SYTL4: variants seen among roughly 807,000 people sequenced by gnomAD.
SYTL4 encodes synaptotagmin-like protein 4.
In SYTL4, 16 loss-of-function variants were observed where a neutral mutation model predicts 52.7. That is an observed-to-expected ratio of 0.30 (90% CI 0.21 to 0.46). SYTL4 has a LOEUF of 0.46. Among genes scored for constraint, SYTL4 ranks in the 20% least tolerant of loss-of-function variants. The pLI is 1.00. For missense variants in SYTL4, 423 were observed against 519.9 expected, an observed-to-expected ratio of 0.81 and a Z score of 1.81; for synonymous variants, 160 against 186.6, an observed-to-expected ratio of 0.86 and a Z score of 1.16.
intron 2 of SYTL4, among the ~76,000 whole-genome samples, chrX:100,707,931 T>C (rs1427686762): frequency 9.0e-6 from 1 of 111,104 alleles, no homozygotes; most frequent in East Asian, 2.8e-4. Context: ...TAAAAATATA[T>C]TTTAGAAAAG....
chrX:100,679,344 C>G lies in SYTL4; in HGVS notation c.1627G>C (p.Ala543Pro). ...KEAKNLTAAK[A>P]GGTSDSFVKG... Reference sequence around the variant, plus strand: ...ACAAAGCTGTCTGAAGTCCCTCCTGCTTTGGCAGCCGTCAAGTTCTTGGCT... The same window carrying G: ...ACAAAGCTGTCTGAAGTCCCTCCTGGTTTGGCAGCCGTCAAGTTCTTGGCT... Residue 543 changes from alanine to proline, a missense_variant, in exon 18 of 20, where the codon GCA becomes CCA. Physicochemically the swap from Ala to Pro is conservative, Grantham distance 27 (BLOSUM62 -1). Transcript: ENST00000372989. 1.6e-5 allele frequency: 19 copies of G among 1,211,563 alleles called. No homozygotes were observed. Among genetic ancestry groups the G allele is most frequent in the Non-Finnish European group, 2.1e-5 (19 of 895,332 alleles).
intron 2 of SYTL4, among the ~76,000 whole-genome samples, chrX:100,727,038 C>T (rs1161813893): frequency 1.8e-5 from 2 of 111,131 alleles, no homozygotes; most frequent in Admixed American, 9.6e-5. Flanking sequence ...CAACCCTCTA[C>T]GATCTGCCTT....
chrX:100,699,482 C>CATTTTTTTTTTT lies in SYTL4; in HGVS notation c.539+1414_539+1415insAAAAAAAAAAAT, dbSNP rs1313181387. Reference sequence around the variant, plus strand: ...AATGAATGTTCATAGCAGCATTACTCTTTTTTTTTTTTTTTTTTTTTTTTT... The same window carrying CATTTTTTTTTTT: ...AATGAATGTTCATAGCAGCATTACTCATTTTTTTTTTTTTTTTTTTTTTTTTTTTTTTTTTTT... On this transcript the variant is annotated intron_variant, in intron 8 of 19. Transcript: ENST00000372989. Among the ~76,000 whole-genome samples the CATTTTTTTTTTT allele has an allele frequency of 6.7e-5, 4 of 59,892 alleles. 1 individual carries two copies. Among genetic ancestry groups the CATTTTTTTTTTT allele is most frequent in the Non-Finnish European group, 5.4e-5 (2 of 36,703 alleles). 52.0% of individuals were successfully genotyped at this position (59,892 alleles called of 115,157 possible).
At chrX:100,720,192 C>T (rs543301767) in intron 2 of SYTL4, among the ~76,000 whole-genome samples, 4 of 112,220 alleles carry the variant, frequency 3.6e-5, no homozygotes, top group African/African-American at 1.3e-4. Flanking sequence ...TTGAAGCTTC[C>T]TCTAACATGA....
At chrX:100,727,670 G>C (rs949074887) in intron 2 of SYTL4, among the ~76,000 whole-genome samples, 1 of 112,418 alleles carries the variant, frequency 8.9e-6, no homozygotes. Flanking sequence ...GCTTGGACTA[G>C]GGTGACAGGC....
At chrX:100,727,030 A>G (rs773654545) in intron 2 of SYTL4, among the ~76,000 whole-genome samples, 39 of 110,384 alleles carry the variant, frequency 3.5e-4, no homozygotes, top group Non-Finnish European at 6.2e-4. Flanking sequence ...TCACTGCCCA[A>G]CCCTCTACGA....
chrX:100,704,776 C>T (rs1035453881), intron 3 of SYTL4, 35 bp downstream of exon 3: 3 of 112,009 alleles, frequency 2.7e-5, no homozygotes, highest in African/African-American at 9.7e-5. Flanking sequence ...CCAAGGTAGA[C>T]AGAGAGTGAA....
intron 2 of SYTL4, among the ~76,000 whole-genome samples, chrX:100,729,083 A>G (rs1196264289): frequency 9.0e-6 from 1 of 110,702 alleles, no homozygotes; most frequent in Non-Finnish European, 1.9e-5. Flanking sequence ...AACTAGGTCA[A>G]AGTTGGCATC....
intron 2 of SYTL4, among the ~76,000 whole-genome samples, chrX:100,724,332 G>A (rs1380848455): frequency 9.5e-6 from 1 of 104,845 alleles, no homozygotes; most frequent in African/African-American, 3.6e-5. Context: ...GGGAAGTGAG[G>A]AGCCCCTCTG....
chrX:100,694,546 C>T (rs1008770739), intron 8 of SYTL4, among the ~76,000 whole-genome samples: 2 of 111,934 alleles, frequency 1.8e-5, no homozygotes, highest in Admixed American at 1.9e-4. Context: ...TATGTACACA[C>T]ATTCATTCCT....
chrX:100,713,598 A>T (rs186032073), intron 2 of SYTL4, among the ~76,000 whole-genome samples: 2 of 88,323 alleles, frequency 2.3e-5, no homozygotes, highest in African/African-American at 8.2e-5. Context: ...CCTGGGCAAC[A>T]GAGTGAGACT....
intron 2 of SYTL4, among the ~76,000 whole-genome samples, chrX:100,708,442 T>C (rs1379014659): frequency 8.9e-6 from 1 of 111,838 alleles, no homozygotes; most frequent in Non-Finnish European, 1.9e-5. Flanking sequence ...AAGCTTGATC[T>C]AAAGGACATA....
At chrX:100,708,274 A>C (rs2022470) in intron 2 of SYTL4, among the ~76,000 whole-genome samples, 3 of 111,170 alleles carry the variant, frequency 2.7e-5, no homozygotes, top group Non-Finnish European at 5.6e-5. Context: ...CATATTTACT[A>C]CTAAAAAATG....
chrX:100,704,353 A>G (rs2083915026), intron 3 of SYTL4, among the ~76,000 whole-genome samples: 1 of 112,564 alleles, frequency 8.9e-6, no homozygotes, highest in African/African-American at 3.2e-5. Context: ...AATGTGTGTT[A>G]AAGGGCCAAT....
intron 2 of SYTL4, among the ~76,000 whole-genome samples, chrX:100,728,430 G>A (rs1260595874): frequency 1.8e-5 from 2 of 111,866 alleles, no homozygotes; most frequent in African/African-American, 6.5e-5. Flanking sequence ...AACACAAATA[G>A]CACTCAGCTA....
intron 8 of SYTL4, among the ~76,000 whole-genome samples, chrX:100,697,554 G>C (rs2083729414): frequency 8.9e-6 from 1 of 111,808 alleles, no homozygotes; most frequent in South Asian, 3.8e-4. Flanking sequence ...ACCGAGTCTG[G>C]AGAAGAATTT....
intron 2 of SYTL4, among the ~76,000 whole-genome samples, chrX:100,719,986 C>T (rs1348031869): frequency 2.7e-5 from 3 of 111,586 alleles, no homozygotes; most frequent in African/African-American, 9.8e-5. Flanking sequence ...CACGTTTGTC[C>T]CCTGCTCCTC....
chrX:100,698,147 G>A (rs1211474154), intron 8 of SYTL4, among the ~76,000 whole-genome samples: 1 of 110,434 alleles, frequency 9.1e-6, no homozygotes. Context: ...CTGTTGCCCA[G>A]GCTGGAGTGC....
chrX:100,675,171 T>C lies in SYTL4; in HGVS notation c.*857A>G, dbSNP rs1213991953. ...TTCATTCGAGAAATGAGGAGCTCTC[T>C]CTCCAATGACTGCAGTATCAGTTTA... On this transcript the variant is annotated 3_prime_UTR_variant, in exon 20 of 20. Transcript: ENST00000372989. The C allele has an allele frequency of 8.9e-6, 1 of 112,584 alleles. No homozygotes were observed. Among genetic ancestry groups the C allele is most frequent in the Non-Finnish European group, 1.9e-5 (1 of 53,270 alleles). 9.3% of individuals were successfully genotyped at this position (112,584 alleles called of 1,213,427 possible). A position where few individuals can be genotyped will look rare whatever the true frequency, so the allele number is the denominator to read the frequency against.
Sources: allele counts gnomAD v4.1 joint callset (sites outside exome capture counted in the v4.1 genomes callset), GRCh38; gene constraint gnomAD v4.1.1; transcripts MANE v1.5; gene names NCBI Gene and HGNC (gene_info 2026-07-23, HGNC 2026-07-21).